The following FGFR2 variants were observed in gnomAD, a reference collection of about 807,000 sequenced individuals.
FGFR2 encodes the protein fibroblast growth factor receptor 2.
A neutral mutation model predicts 95.9 loss-of-function variants in FGFR2; 19 were observed. The ratio of observed to expected loss-of-function variants is 0.20; its 90% confidence interval spans 0.14 to 0.29. The LOEUF is 0.29. FGFR2 is among the 10% of genes least tolerant of loss of function. The pLI is 1.00. For missense variants in FGFR2, 707 were observed against 1,056.9 expected (o/e 0.67, Z 4.59); for synonymous variants, 392 against 393.3 (o/e 1.00, Z 0.04).
At chr10:121,587,570 T>C (rs1862010707) in intron 2 of FGFR2, among the ~76,000 whole-genome samples, 1 of 151,270 alleles carries the variant, frequency 6.6e-6, no homozygotes, top group Non-Finnish European at 1.5e-5. Context: ...GAAAAACAAA[T>C]AACCACATAA....
Position 121,508,140 on chromosome 10 carries a change from T to C in FGFR2, c.1288-4199A>G, listed in dbSNP as rs1589796393. Among the ~76,000 whole-genome samples, 4 of 152,294 alleles carry C rather than the reference T, an allele frequency of 2.6e-5. 1 individual carries two copies. The South Asian group carries it at 8.3e-4, about 32-fold the overall frequency. The stretch of plus-strand genomic sequence containing the variant: ...CAGATTTTGGTATATTCGGGGTTGT[T>C]AGAACCAATCCCCAACGCATACCAA... On this transcript the variant is annotated intron_variant, in intron 9 of 17. Coordinates refer to ENST00000358487, the MANE Select transcript of FGFR2 (RefSeq NM_000141.5).
chr10:121,553,319 C>G (rs1227906988), intron 4 of FGFR2, among the ~76,000 whole-genome samples: 1 of 152,152 alleles, frequency 6.6e-6, no homozygotes, highest in East Asian at 1.9e-4. Context: ...GCATTTGCAA[C>G]CTGGGTAGAC....
chr10:121,492,375 A>G (rs1649171), intron 13 of FGFR2, among the ~76,000 whole-genome samples: 150,598 of 152,226 alleles, frequency 0.99, 74,510 homozygotes, highest in Middle Eastern at 1. Flanking sequence ...TCTGTCTCCA[A>G]TCCCCAACCC....
At chr10:121,553,476 A>G (rs547168099) in intron 4 of FGFR2, among the ~76,000 whole-genome samples, 6 of 152,196 alleles carry the variant, frequency 3.9e-5, no homozygotes, top group Non-Finnish European at 8.8e-5. Flanking sequence ...AAAAGCTTCT[A>G]CTTAGAAAAA....
intron 6 of FGFR2, among the ~76,000 whole-genome samples, chr10:121,522,235 A>G (rs1472330308): frequency 1.3e-5 from 2 of 152,240 alleles, no homozygotes; most frequent in African/African-American, 4.8e-5. Context: ...CCTATAGTCA[A>G]CAACAACGTA....
chr10:121,512,187 T>C (rs2134183502), intron 9 of FGFR2, among the ~76,000 whole-genome samples: 1 of 152,346 alleles, frequency 6.6e-6, no homozygotes, highest in South Asian at 2.1e-4. Context: ...GGTAAAGGCA[T>C]GCTTGGCATC....
At chr10:121,522,263 AGTTG>A (rs1209630673) in intron 6 of FGFR2, among the ~76,000 whole-genome samples, 1 of 152,248 alleles carries the variant, frequency 6.6e-6, no homozygotes, top group African/African-American at 2.4e-5. Context: ...CTGAAAACTT[AGTTG>A]AAGACCAGGC....
intron 9 of FGFR2, among the ~76,000 whole-genome samples, chr10:121,505,123 G>A (rs1348432314): frequency 2.0e-5 from 3 of 152,158 alleles, no homozygotes; most frequent in Non-Finnish European, 4.4e-5. Context: ...AAATTTAGGT[G>A]GGATGAACTT....
intron 4 of FGFR2, among the ~76,000 whole-genome samples, chr10:121,559,111 G>GAAAAAAAAA (rs904279035): frequency 1.8e-4 from 10 of 55,216 alleles, no homozygotes; most frequent in African/African-American, 4.0e-4. Context: ...TCCAAAAGGA[G>GAAAAAAAAA]AAAAAAAAAA....
At chr10:121,597,823 G>C (rs780391644) in intron 1 of FGFR2, 139 bp downstream of exon 1, 2 of 352,478 alleles carry the variant, frequency 5.7e-6, no homozygotes, top group Admixed American at 4.7e-5. Flanking sequence ...GCCACAGAGG[G>C]AGGACACGGA....
chr10:121,565,069 C>A (rs1857478624), intron 3 of FGFR2, among the ~76,000 whole-genome samples: 2 of 147,106 alleles, frequency 1.4e-5, no homozygotes, highest in African/African-American at 5.1e-5. Context: ...CCGCTCACTG[C>A]ATAGAAGGAA....
chr10:121,577,357 G>C (rs1860070400), intron 2 of FGFR2, among the ~76,000 whole-genome samples: 1 of 151,102 alleles, frequency 6.6e-6, no homozygotes, highest in African/African-American at 2.4e-5. Flanking sequence ...TCTGCCATCA[G>C]AAAGACCTTC....
At chr10:121,519,659 G>C (rs1589835801) in intron 7 of FGFR2, among the ~76,000 whole-genome samples, 1 of 152,194 alleles carries the variant, frequency 6.6e-6, no homozygotes, top group East Asian at 1.9e-4. Flanking sequence ...GGGGGACAGA[G>C]TATCACGATC....
At chr10:121,547,391 CTTTT>C (rs960623310) in intron 5 of FGFR2, among the ~76,000 whole-genome samples, 1 of 145,574 alleles carries the variant, frequency 6.9e-6, no homozygotes, top group South Asian at 2.1e-4. Flanking sequence ...GCAAAGGTAC[CTTTT>C]TTTTCTTTTT....
At chr10:121,495,402 C>G (rs1846658909) in intron 13 of FGFR2, among the ~76,000 whole-genome samples, 1 of 152,156 alleles carries the variant, frequency 6.6e-6, no homozygotes, top group Non-Finnish European at 1.5e-5. Context: ...GTGGCACATC[C>G]TCGTACTCCC....
In FGFR2 at chr10:121,515,183, T is replaced by C. The variant is rs771960546; in HGVS notation, c.1221A>G (p.Pro407=). ...LCRMKNTTKK[P]DFSSQPAVHK... is the part of the protein sequence containing the mutation. ...GCACAGCCGGCTGGCTGCTGAAGTC[T>C]GGCTTCTTGGTCGTGTTCTTCATTC... The change falls in exon 9 of 18, where the codon CCA becomes CCG. Residue 407 remains proline (P), a synonymous_variant. Transcript: ENST00000358487. 4 of 1,614,224 alleles carry C rather than the reference T, an allele frequency of 2.5e-6. No individual in the cohort carries two copies. Among genetic ancestry groups the C allele is most frequent in the Non-Finnish European group, 3.4e-6 (4 of 1,180,036 alleles).
intron 9 of FGFR2, among the ~76,000 whole-genome samples, chr10:121,508,446 A>G (rs1198506459): frequency 5.3e-5 from 8 of 152,120 alleles, no homozygotes; most frequent in Non-Finnish European, 8.8e-5. Flanking sequence ...ATTCAGTCTG[A>G]AGTTCACCCC....
chr10:121,569,199 T>TTTTTC (rs141842032), intron 2 of FGFR2, among the ~76,000 whole-genome samples: 1,653 of 137,838 alleles, frequency 0.012, 27 homozygotes, highest in African/African-American at 0.038. Flanking sequence ...TCTGGGTTTC[T>TTTTTC]TTTTCTTTTC....
chr10:121,541,287 T>G (rs540870032), intron 5 of FGFR2, among the ~76,000 whole-genome samples: 11 of 152,360 alleles, frequency 7.2e-5, no homozygotes, highest in Middle Eastern at 3.4e-3. Flanking sequence ...CCAAATTTTA[T>G]GAGCTGTAGC....
Sources: gnomAD v4.1 joint callset for allele counts (sites outside exome capture counted in the v4.1 genomes callset) on GRCh38, gnomAD v4.1.1 for gene constraint, MANE v1.5 for transcripts, NCBI Gene and HGNC (gene_info 2026-07-23, HGNC 2026-07-21) for gene names.